The following METTL16 variants were observed in gnomAD, a reference collection of about 807,000 sequenced individuals.
The protein encoded by METTL16 is methyltransferase 16, RNA N6-adenosine.
In METTL16, 19 loss-of-function variants were observed where a neutral mutation model predicts 57.9. The ratio of observed to expected loss-of-function variants is 0.33; its 90% CI spans 0.23 to 0.48. The LOEUF is 0.48. Among genes scored for constraint, METTL16 ranks in the 20% least tolerant of loss-of-function variants. METTL16 has a pLI of 0.99. For missense variants in METTL16, 434 were observed against 691.5 expected, an observed-to-expected ratio of 0.63 and a Z score of 4.18; for synonymous variants, 246 against 255.6, an observed-to-expected ratio of 0.96 and a Z score of 0.36.
Position 2,442,624 on chromosome 17 carries a change from ACT to A in METTL16, c.729-1067_729-1066del, listed in dbSNP as rs1263282786. 7.2e-5 allele frequency among the ~76,000 whole-genome samples: 11 copies of A among 152,030 alleles called. No individual in the cohort carries two copies. In the East Asian group the frequency reaches 7.7e-4, roughly 11 times the overall value. On this transcript the variant is annotated intron_variant, in intron 6 of 9. Transcript: ENST00000263092. ...GAAGTCAAGAAAAAAAGAAGACAGA[ACT>A]CTCAGTATCAGAACTGAAAGAGGGG...
intron 8 of METTL16, among the ~76,000 whole-genome samples, chr17:2,431,951 T>G (rs188302656): frequency 3.9e-4 from 60 of 152,234 alleles, no homozygotes; most frequent in Non-Finnish European, 6.5e-4. Context: ...CAATATTTTT[T>G]TTTTTTCTTT....
chr17:2,430,045 C>T (rs2066860339), intron 8 of METTL16, among the ~76,000 whole-genome samples: 1 of 151,720 alleles, frequency 6.6e-6, no homozygotes, highest in Non-Finnish European at 1.5e-5. Context: ...AACTCCTAAC[C>T]TCAGTTGATC....
rs534860624 is a variant in METTL16, at chr17:2,482,667, G to T, written c.129-4782C>A. On this transcript the variant is annotated intron_variant, in intron 2 of 9. Transcript: ENST00000263092. Reference sequence around the variant, plus strand: ...CACACCTGTAATCTCAGCACTTTGGGAGGCCGAGGTGGGCGGACTGCTTGA... The same window carrying T: ...CACACCTGTAATCTCAGCACTTTGGTAGGCCGAGGTGGGCGGACTGCTTGA... Among the ~76,000 whole-genome samples the T allele has an allele frequency of 5.9e-5, 9 of 152,318 alleles. No homozygotes were observed. In the South Asian group the frequency reaches 1.4e-3, roughly 25 times the overall value.
intron 2 of METTL16, among the ~76,000 whole-genome samples, chr17:2,483,303 A>G (rs2067319877): frequency 1.3e-5 from 2 of 152,228 alleles, no homozygotes; most frequent in Non-Finnish European, 2.9e-5. Flanking sequence ...TAAATGAGCA[A>G]CTATGTAGAA....
At chr17:2,460,959 C>T (rs1246015184) in intron 6 of METTL16, among the ~76,000 whole-genome samples, 1 of 150,608 alleles carries the variant, frequency 6.6e-6, no homozygotes, top group Non-Finnish European at 1.5e-5. Context: ...AATTTCAGTG[C>T]TGTTACCTTC....
chr17:2,424,817 A>G (rs964925278), intron 8 of METTL16, among the ~76,000 whole-genome samples: 11 of 152,036 alleles, frequency 7.2e-5, no homozygotes, highest in Non-Finnish European at 1.2e-4. Flanking sequence ...GCGTGGCGGC[A>G]CACGCCTGTA....
In METTL16 at chr17:2,464,263, A is replaced by G; in HGVS notation, c.673T>C (p.Leu225=). 6.2e-7 allele frequency: 1 copy of G among 1,614,034 alleles called. No individual in the cohort carries two copies. Among genetic ancestry groups the G allele is most frequent in the South Asian group, 1.1e-5 (1 of 91,068 alleles). ...ITEIMAEGGE[L]EFVKRIIHDS... ...TGGATGATCCTTTTAACAAACTCTAATTCACCTCCTTCTGCCATGATCTCT... is the reference window on the plus strand; with the variant it reads ...TGGATGATCCTTTTAACAAACTCTAGTTCACCTCCTTCTGCCATGATCTCT... The change falls in exon 6 of 10, where the codon TTA becomes CTA. Residue 225 remains leucine (L), a synonymous_variant. Transcript: ENST00000263092.
chr17:2,448,564 T>A, intron 6 of METTL16, among the ~76,000 whole-genome samples: 1 of 76,404 alleles, frequency 1.3e-5, no homozygotes, highest in African/African-American at 5.9e-5. Flanking sequence ...TTAAGAGTCA[T>A]CACCACTCCC....
intron 2 of METTL16, among the ~76,000 whole-genome samples, chr17:2,486,857 G>A (rs567211200): frequency 1.3e-5 from 2 of 151,784 alleles, no homozygotes; most frequent in South Asian, 4.2e-4. Context: ...GCATGCACCT[G>A]TGTTCCCAGC....
chr17:2,452,767 A>G (rs1012542860), intron 6 of METTL16, among the ~76,000 whole-genome samples: 6 of 152,196 alleles, frequency 3.9e-5, no homozygotes, highest in African/African-American at 1.4e-4. Flanking sequence ...AAGCTGTTTG[A>G]GAATCAGTTA....
chr17:2,469,011 G>C (rs1181505607), intron 4 of METTL16, among the ~76,000 whole-genome samples: 2 of 151,522 alleles, frequency 1.3e-5, no homozygotes, highest in African/African-American at 4.9e-5. Flanking sequence ...GAGGCAGGTG[G>C]ATCACTTGAG....
chr17:2,426,610 T>A (rs894818346), intron 8 of METTL16, among the ~76,000 whole-genome samples: 1 of 147,440 alleles, frequency 6.8e-6, no homozygotes, highest in Non-Finnish European at 1.5e-5. Flanking sequence ...GTGTCTATAA[T>A]CCCAGCTACT....
chr17:2,427,865 G>A (rs971885041), intron 8 of METTL16, among the ~76,000 whole-genome samples: 1 of 151,664 alleles, frequency 6.6e-6, no homozygotes, highest in Admixed American at 6.6e-5. Context: ...TGCAATCCCA[G>A]CACTTGGGGA....
At chr17:2,454,104 G>A (rs553506541) in intron 6 of METTL16, among the ~76,000 whole-genome samples, 1 of 152,226 alleles carries the variant, frequency 6.6e-6, no homozygotes, top group Admixed American at 6.5e-5. Context: ...CTTCTGACAT[G>A]TCATTTTTTG....
At chr17:2,480,701 G>T (rs2067299535) in intron 2 of METTL16, among the ~76,000 whole-genome samples, 1 of 152,160 alleles carries the variant, frequency 6.6e-6, no homozygotes, top group Non-Finnish European at 1.5e-5. Flanking sequence ...CTGCTTGATG[G>T]GGCTCCCTTT....
At chr17:2,458,993 G>A (rs2067130155) in intron 6 of METTL16, among the ~76,000 whole-genome samples, 1 of 152,082 alleles carries the variant, frequency 6.6e-6, no homozygotes, top group African/African-American at 2.4e-5. Flanking sequence ...TATTTGTAGG[G>A]AAGGGGTGTC....
rs201439287 is a variant in METTL16, at chr17:2,502,636, C to T, written c.1-305G>A. Among the ~76,000 whole-genome samples the T allele has an allele frequency of 3.5e-4, 53 of 151,570 alleles. No homozygotes were observed. In the East Asian group the frequency reaches 9.7e-3, roughly 28 times the overall value. On this transcript the variant is annotated intron_variant, in intron 1 of 9. Transcript: ENST00000263092. ...CCAGGAGGTGGAGGGTGCAGTGAGC[C>T]GAGATCACGCCATTGCACTCCAGCC...
intron 1 of METTL16, among the ~76,000 whole-genome samples, chr17:2,505,137 A>C (rs541112558): frequency 7.9e-5 from 12 of 152,210 alleles, no homozygotes; most frequent in African/African-American, 2.6e-4. Context: ...GGTAGTTGGT[A>C]ATTTAAAAAA....
intron 7 of METTL16, among the ~76,000 whole-genome samples, chr17:2,438,979 C>T (rs889193320): frequency 2.6e-5 from 4 of 152,140 alleles, no homozygotes; most frequent in African/African-American, 9.7e-5. Flanking sequence ...CAGAGAGAAA[C>T]CAGAGACCAG....
Sources: allele counts gnomAD v4.1 joint callset (sites outside exome capture counted in the v4.1 genomes callset), GRCh38; gene constraint gnomAD v4.1.1; transcripts MANE v1.5; gene names NCBI Gene and HGNC (gene_info 2026-07-23, HGNC 2026-07-21).